Variants in EDEM1 observed in about 807,000 individuals in gnomAD.
The protein encoded by EDEM1 is ER degradation enhancing alpha-mannosidase like protein 1.
A neutral mutation model predicts 74.4 loss-of-function variants in EDEM1; 67 were observed. The ratio of observed to expected loss-of-function variants is 0.90; its 90% confidence interval spans 0.74 to 1.10. EDEM1 has a LOEUF of 1.10. Ranked by LOEUF, EDEM1 falls within the 50% of genes least tolerant of loss-of-function variation. EDEM1 has a pLI of 0.00. For missense variants in EDEM1, 926 were observed against 851.6 expected, an observed-to-expected ratio of 1.09 and a Z score of -1.09; for synonymous variants, 382 against 335.9, an observed-to-expected ratio of 1.14 and a Z score of -1.50.
intron 4 of EDEM1, 83 bp from the exon 5 acceptor site, chr3:5,202,883 T>C (rs1391576760): frequency 1.5e-5 from 19 of 1,278,330 alleles, no homozygotes; most frequent in African/African-American, 9.0e-5. Flanking sequence ...GTTTATTAGC[T>C]GAGTGTAGTC....
At chr3:5,194,914 G>A (rs933575109) in intron 1 of EDEM1, among the ~76,000 whole-genome samples, 4 of 152,178 alleles carry the variant, frequency 2.6e-5, no homozygotes, top group Non-Finnish European at 4.4e-5. Context: ...ATTGTCTATG[G>A]TGATAAACCT....
At chr3:5,210,028 G>A in intron 8 of EDEM1, 147 bp from the exon 9 acceptor site, 1 of 669,272 alleles carries the variant, frequency 1.5e-6, no homozygotes, top group Non-Finnish European at 2.7e-6. Flanking sequence ...TAACCATTGT[G>A]ACCCTGCAAG....
At chr3:5,210,014 C>T (rs915645227) in intron 8 of EDEM1, among the ~76,000 whole-genome samples, 161 bp from the exon 9 acceptor site, 1 of 152,202 alleles carries the variant, frequency 6.6e-6, no homozygotes, top group African/African-American at 2.4e-5. Flanking sequence ...GTACCTTAGT[C>T]CTCTAACCAT....
At chr3:5,190,128 A>G (rs2054884041) in intron 1 of EDEM1, among the ~76,000 whole-genome samples, 1 of 152,196 alleles carries the variant, frequency 6.6e-6, no homozygotes, top group Non-Finnish European at 1.5e-5. Context: ...CCCACCAGCT[A>G]TTTTAAATTT....
intron 2 of EDEM1, among the ~76,000 whole-genome samples, chr3:5,196,935 C>CTTTTTTT (rs547304238): frequency 7.2e-6 from 1 of 138,418 alleles, no homozygotes; most frequent in African/African-American, 2.6e-5. Flanking sequence ...CTTTTCTTTT[C>CTTTTTTT]TTTTTTTTTT....
Position 5,215,883 on chromosome 3 carries a change from A to G in EDEM1, c.1939A>G (p.Met647Val), listed in dbSNP as rs1317506578. ...CTCCCTGCCCTTAAAGAGCATCTAC[A>G]TGCGACAGATTGACCAGATGGTTGG... ...RYSLPLKSIYMRQIDQMVGLI is the reference protein window; with the variant it reads ...RYSLPLKSIYVRQIDQMVGLI The change falls in exon 12 of 12, where the codon ATG becomes GTG. Residue 647 changes from methionine to valine, a missense_variant. By Grantham distance (21) the Met-to-Val change is conservative. Transcript: ENST00000256497. 2 of 1,613,170 alleles carry G rather than the reference A, an allele frequency of 1.2e-6. No individual in the cohort carries two copies. Among genetic ancestry groups the G allele is most frequent in the South Asian group, 1.1e-5 (1 of 90,770 alleles).
chr3:5,212,435 A>G (rs1021374314), intron 10 of EDEM1, among the ~76,000 whole-genome samples: 1 of 152,186 alleles, frequency 6.6e-6, no homozygotes, highest in Admixed American at 6.5e-5. Flanking sequence ...TCCAGCAGCC[A>G]CTGGTGTCAG....
intron 1 of EDEM1, among the ~76,000 whole-genome samples, chr3:5,193,984 C>T (rs1411779899): frequency 1.3e-5 from 2 of 152,180 alleles, no homozygotes; most frequent in Non-Finnish European, 2.9e-5. Context: ...TAAAATGAGA[C>T]ATTGGAGCTG....
chr3:5,189,252 T>G (rs2054870737), intron 1 of EDEM1, among the ~76,000 whole-genome samples: 2 of 152,186 alleles, frequency 1.3e-5, no homozygotes, highest in Non-Finnish European at 2.9e-5. Context: ...GTTTGCTCAG[T>G]GTCTTGGCAC....
chr3:5,199,781 A>G, intron 3 of EDEM1, 86 bp downstream of exon 3: 11 of 1,127,548 alleles, frequency 9.8e-6, no homozygotes, highest in African/African-American at 1.6e-5. Context: ...TCTTTTTGCC[A>G]CATGATCCAG....
chr3:5,195,680 C>T (rs1284847982), intron 2 of EDEM1, among the ~76,000 whole-genome samples: 1 of 152,166 alleles, frequency 6.6e-6, no homozygotes. Context: ...CCACTGGCTC[C>T]CCCAGGAGCA....
intron 2 of EDEM1, among the ~76,000 whole-genome samples, chr3:5,197,992 G>T (rs1471991833): frequency 1.3e-5 from 2 of 152,100 alleles, no homozygotes; most frequent in African/African-American, 4.8e-5. Context: ...CTGGGGGTGG[G>T]GTGAGGGGGC....
intron 6 of EDEM1, among the ~76,000 whole-genome samples, chr3:5,205,755 C>T (rs1481164607): frequency 2.0e-5 from 3 of 152,224 alleles, no homozygotes; most frequent in African/African-American, 7.2e-5. Flanking sequence ...AAGAAAGAGG[C>T]CAAAATGGCA....
chr3:5,198,441 A>C (rs954327715), intron 2 of EDEM1, among the ~76,000 whole-genome samples: 1 of 152,186 alleles, frequency 6.6e-6, no homozygotes, highest in East Asian at 1.9e-4. Context: ...GGCTTAGTGA[A>C]TCTGCAGTTT....
chr3:5,198,653 C>T (rs1013767677), intron 2 of EDEM1, among the ~76,000 whole-genome samples: 12 of 137,816 alleles, frequency 8.7e-5, no homozygotes, highest in African/African-American at 2.2e-4. Context: ...TTGTAAGGGA[C>T]GTATATAGCT....
chr3:5,214,341 G>A (rs2055204529), intron 11 of EDEM1, among the ~76,000 whole-genome samples: 1 of 152,208 alleles, frequency 6.6e-6, no homozygotes, highest in Non-Finnish European at 1.5e-5. Context: ...CTTGGCATTA[G>A]GGGTGCCCTC....
rs769028831 is a variant in EDEM1 at position 5,188,065 on chromosome 3, C to A, written c.260C>A (p.Pro87Gln). The stretch of plus-strand genomic sequence containing the variant: ...GCAGCGCAGAGCCCGCGCAAGGCTC[C>A]GCGGCGTCCTGGGCCGGGGATGTGC... ...TGAAQSPRKA[P>Q]RRPGPGMCGP... is the part of the protein sequence containing the mutation. The change falls in exon 1 of 12, where the codon CCG becomes CAG. Residue 87 changes from proline (P) to glutamine (Q), a missense_variant. Physicochemically the swap from Pro to Gln is moderately conservative, Grantham distance 76. Transcript: ENST00000256497. 2.1e-6 allele frequency: 3 copies of A among 1,448,182 alleles called. No individual in the cohort carries two copies. The highest frequency in any genetic ancestry group is 2.7e-6 in the Non-Finnish European group (3 of 1,101,096). The allele number at this position is 1,448,182 out of a possible 1,614,324, so 89.7% of individuals were successfully genotyped here.
At chr3:5,205,904 G>A (rs1472465258) in intron 6 of EDEM1, among the ~76,000 whole-genome samples, 1 of 152,100 alleles carries the variant, frequency 6.6e-6, no homozygotes, top group Non-Finnish European at 1.5e-5. Context: ...GAGGTTCTCG[G>A]GGGCCGTCTT....
At chr3:5,206,612 C>A (rs2055100169) in intron 6 of EDEM1, among the ~76,000 whole-genome samples, 1 of 152,154 alleles carries the variant, frequency 6.6e-6, no homozygotes, top group African/African-American at 2.4e-5. Context: ...TTCTACATTG[C>A]TGTTGTAGGA....
Sources: gnomAD v4.1 joint callset for allele counts (sites outside exome capture counted in the v4.1 genomes callset) on GRCh38, gnomAD v4.1.1 for gene constraint, MANE v1.5 for transcripts, NCBI Gene and HGNC (gene_info 2026-07-23, HGNC 2026-07-21) for gene names.